The following ARPP21 variants were observed in gnomAD, a reference collection of about 807,000 sequenced individuals.
ARPP21 encodes cAMP regulated phosphoprotein 21.
A neutral mutation model predicts 113.2 loss-of-function variants in ARPP21; 69 were observed. The observed-to-expected ratio is 0.61, with a 90% CI of 0.50 to 0.74. The LOEUF (loss-of-function observed/expected upper bound fraction) is 0.74. ARPP21 is among the 30% of genes least tolerant of loss of function. The pLI, the probability that ARPP21 is intolerant of heterozygous loss-of-function variation, is 0.00. For missense variants in ARPP21, 1,070 were observed against 1,037.4 expected (o/e 1.03, Z -0.43); for synonymous variants, 368 against 375.5 (o/e 0.98, Z 0.23).
chr3:35,661,853 G>C (rs1707990995), intron 1 of ARPP21, among the ~76,000 whole-genome samples: 1 of 152,134 alleles, frequency 6.6e-6, no homozygotes, highest in African/African-American at 2.4e-5. Flanking sequence ...TTCTGGTTGT[G>C]AGGTAATAAA....
intron 19 of ARPP21, among the ~76,000 whole-genome samples, chr3:35,761,779 G>A (rs2095787922): frequency 6.6e-6 from 1 of 152,056 alleles, no homozygotes; most frequent in African/African-American, 2.4e-5. Flanking sequence ...GAGCAAAAGA[G>A]CTTATGTCAT....
chr3:35,748,239 A>AAAAG (rs1381118737), intron 19 of ARPP21, among the ~76,000 whole-genome samples: 7 of 146,432 alleles, frequency 4.8e-5, no homozygotes, highest in African/African-American at 1.3e-4. Context: ...GGAAGGAAGG[A>AAAAG]AAAGAAAGAA....
intron 13 of ARPP21, among the ~76,000 whole-genome samples, chr3:35,719,053 A>G (rs2092777719): frequency 6.6e-6 from 1 of 152,160 alleles, no homozygotes. Context: ...GCAAGCTCCA[A>G]TGACCAGATA....
At chr3:35,746,294 C>T (rs1335118117) in intron 19 of ARPP21, among the ~76,000 whole-genome samples, 1 of 152,194 alleles carries the variant, frequency 6.6e-6, no homozygotes, top group Non-Finnish European at 1.5e-5. Context: ...CACACAGTGG[C>T]TCTTTGAGAG....
chr3:35,715,536 G>C (rs947942630), intron 12 of ARPP21, 60 bp downstream of exon 12: 4 of 1,372,268 alleles, frequency 2.9e-6, no homozygotes, highest in African/African-American at 2.9e-5. Context: ...TGTGTGTCTT[G>C]TGTATTCATA....
chr3:35,668,073 A>G (rs939186818), intron 1 of ARPP21, among the ~76,000 whole-genome samples: 1 of 152,068 alleles, frequency 6.6e-6, no homozygotes, highest in Admixed American at 6.6e-5. Context: ...GTAAGTGAGA[A>G]CACAAATTTC....
intron 11 of ARPP21, 192 bp from the exon 12 acceptor site, chr3:35,715,247 T>A: frequency 1.8e-6 from 1 of 553,810 alleles, no homozygotes; most frequent in South Asian, 2.3e-5. Context: ...AAAAATACCC[T>A]ATGCTGCATG....
At chr3:35,659,160 A>ACCC (rs1284281642) in intron 1 of ARPP21, among the ~76,000 whole-genome samples, 3 of 152,184 alleles carry the variant, frequency 2.0e-5, no homozygotes, top group Non-Finnish European at 4.4e-5. Flanking sequence ...GATGTCATCT[A>ACCC]TTCTTGCAAC....
At chr3:35,699,507 G>A (rs2085439433) in intron 9 of ARPP21, among the ~76,000 whole-genome samples, 2 of 151,610 alleles carry the variant, frequency 1.3e-5, no homozygotes, top group South Asian at 4.1e-4. Context: ...AATCTATCAA[G>A]AGCAGTGCAC....
chr3:35,781,295 G>T (rs1335058813), intron 19 of ARPP21, among the ~76,000 whole-genome samples: 1 of 152,188 alleles, frequency 6.6e-6, no homozygotes, highest in East Asian at 1.9e-4. Flanking sequence ...GAAGGGAAAA[G>T]TTAACGAGTG....
intron 6 of ARPP21, 140 bp downstream of exon 6, chr3:35,688,023 T>TA: frequency 1.4e-6 from 1 of 729,252 alleles, no homozygotes; most frequent in African/African-American, 1.9e-5. Flanking sequence ...TGTGTGTGTG[T>TA]AAAAAATGTG....
rs1559550625 is a variant in ARPP21 at position 35,668,023 on chromosome 3, GAA to G, written c.-212-11763_-212-11762del. On this transcript the variant is annotated intron_variant, in intron 1 of 20. Transcript: ENST00000684406. Reference sequence around the variant, plus strand: ...AGAAGAAGAAGAAGAAGAAGAAGAAGAAGAAGAAGGAGAAGAAGAAGAAAGAA... The same window carrying G: ...AGAAGAAGAAGAAGAAGAAGAAGAAGGAAGAAGGAGAAGAAGAAGAAAGAA... Among the ~76,000 whole-genome samples, 337 of 146,828 alleles carry G rather than the reference GAA, an allele frequency of 2.3e-3. 2 individuals carry two copies. The highest frequency in any genetic ancestry group is 4.7e-3 in the Admixed American group (70 of 14,804).
chr3:35,757,034 T>C (rs747524443), intron 19 of ARPP21, among the ~76,000 whole-genome samples: 2 of 151,616 alleles, frequency 1.3e-5, no homozygotes, highest in Non-Finnish European at 2.9e-5. Flanking sequence ...GGTATTATGA[T>C]ACAGAGTTCA....
chr3:35,642,973 TG>T (rs1698701270), intron 1 of ARPP21, among the ~76,000 whole-genome samples: 1 of 152,142 alleles, frequency 6.6e-6, no homozygotes, highest in South Asian at 2.1e-4. Flanking sequence ...GAGGCAGCAC[TG>T]GTAACTTTTG....
intron 1 of ARPP21, among the ~76,000 whole-genome samples, chr3:35,667,968 A>G (rs867622462): frequency 1.7e-5 from 2 of 120,100 alleles, no homozygotes; most frequent in African/African-American, 6.4e-5. Context: ...AAGAAGAAGA[A>G]GAAGAAGAAG....
chr3:35,671,563 A>G (rs2076352764), intron 1 of ARPP21, among the ~76,000 whole-genome samples: 1 of 152,076 alleles, frequency 6.6e-6, no homozygotes, highest in Non-Finnish European at 1.5e-5. Flanking sequence ...ACAGGGAGAA[A>G]AAACAAAAGA....
chr3:35,707,587 A>T (rs550948534), intron 10 of ARPP21: 1 of 455,224 alleles, frequency 2.2e-6, no homozygotes, highest in East Asian at 7.0e-5. Context: ...AAGTCTTCAG[A>T]GAAAAGAATT....
chr3:35,712,514 C>CTGTGTG (rs10579469), intron 11 of ARPP21, among the ~76,000 whole-genome samples: 4,524 of 132,796 alleles, frequency 0.034, 118 homozygotes, highest in African/African-American at 0.055. Context: ...TCTAAGGTGT[C>CTGTGTG]TGTGTGTGTG....
At position 35,792,509 on chromosome 3, in the gene ARPP21, C is replaced by T; in HGVS notation, c.2265C>T (p.Tyr755=). Residue 755 remains tyrosine, a synonymous_variant, in exon 20 of 21, where the codon TAC becomes TAT. Coordinates refer to ENST00000684406, the MANE Select transcript of ARPP21 (RefSeq NM_001385562.1). The part of the protein sequence containing the change: ...GTPVQSVMVS[Y]PTMSSYQVPM... ...CGGTGCAAAGCGTGATGGTTTCCTA[C>T]CCAACAATGTCTTCTTATCAGGTGC... 2 of 1,614,042 alleles carry T rather than the reference C, an allele frequency of 1.2e-6. No homozygotes were observed. Among genetic ancestry groups the T allele is most frequent in the Non-Finnish European group, 1.7e-6 (2 of 1,179,936 alleles).
Sources: gnomAD v4.1 joint callset for allele counts (sites outside exome capture counted in the v4.1 genomes callset) on GRCh38, gnomAD v4.1.1 for gene constraint, MANE v1.5 for transcripts, NCBI Gene and HGNC (gene_info 2026-07-23, HGNC 2026-07-21) for gene names.